Variants in ALAS1 observed in about 807,000 individuals in gnomAD.
ALAS1 encodes the protein 5-aminolevulinate synthase, non-specific, mitochondrial.
Under a neutral mutation model 59.6 loss-of-function variants are expected in ALAS1, and 29 were observed. The observed-to-expected ratio is 0.49, with a 90% CI of 0.36 to 0.66. The LOEUF (loss-of-function observed/expected upper bound fraction) is 0.66. Among genes scored for constraint, ALAS1 ranks in the 30% least tolerant of loss-of-function variants. The pLI, the probability that ALAS1 is intolerant of heterozygous loss-of-function variation, is 0.00. For synonymous variants in ALAS1, 299 were observed against 296.6 expected (o/e 1.01, Z -0.08); for missense variants, 690 against 807.5 (o/e 0.85, Z 1.76).
At chr3:52,207,066 T>C (rs1210624178) in intron 8 of ALAS1, among the ~76,000 whole-genome samples, 2 of 147,530 alleles carry the variant, frequency 1.4e-5, no homozygotes, top group East Asian at 2.0e-4. Flanking sequence ...TGCAGTGGCG[T>C]GATCTCGGCT....
intron 7 of ALAS1, 36 bp from the exon 8 acceptor site, chr3:52,206,536 T>C (rs1272337350): frequency 1.9e-6 from 3 of 1,594,660 alleles, no homozygotes; most frequent in East Asian, 2.2e-5. Context: ...TTGTCTTCGA[T>C]GCACATGGCA....
intron 3 of ALAS1, among the ~76,000 whole-genome samples, chr3:52,201,899 G>A (rs892749940): frequency 2.6e-5 from 4 of 152,176 alleles, no homozygotes; most frequent in East Asian, 1.9e-4. Flanking sequence ...CAAGGATTCC[G>A]GGTTGTCTAA....
At position 52,208,260 on chromosome 3, in the gene ALAS1, TGTA is replaced by T. The variant is rs1699335337; in HGVS notation, c.1330+14_1330+16del. On this transcript the variant is annotated intron_variant, in intron 9 of 11. Coordinates refer to ENST00000484952, the MANE Select transcript of ALAS1 (RefSeq NM_000688.6). ...TCTGGAACACTTGGTATGTATACATTGTATTACATACACTAAAATTCCATTATC... is the reference window on the plus strand; with the variant it reads ...TCTGGAACACTTGGTATGTATACATTTTACATACACTAAAATTCCATTATC... 6.2e-7 allele frequency: 1 copy of T among 1,613,198 alleles called. No individual in the cohort carries two copies.
chr3:52,214,301 TGGAA>T lies in ALAS1; in HGVS notation c.*122_*125del. 2.1e-6 allele frequency: 2 copies of T among 955,760 alleles called. No individual in the cohort carries two copies. The highest frequency in any genetic ancestry group is 2.7e-5 in the East Asian group (1 of 36,848). The allele number at this position is 955,760 out of a possible 1,614,324, so 59.2% of individuals were successfully genotyped here. A position where few individuals can be genotyped will look rare whatever the true frequency, so the allele number is the denominator to read the frequency against. On this transcript the variant is annotated 3_prime_UTR_variant, in exon 12 of 12. Transcript: ENST00000484952. ...TTAATCTATAGTAAAAACATAGTCCTGGAAATAAATTCTTGCTTAAATGGTGGTT... is the reference window on the plus strand; with the variant it reads ...TTAATCTATAGTAAAAACATAGTCCTATAAATTCTTGCTTAAATGGTGGTT...
intron 5 of ALAS1, among the ~76,000 whole-genome samples, 194 bp downstream of exon 5, chr3:52,204,206 C>A (rs1410326322): frequency 2.0e-5 from 3 of 152,156 alleles, no homozygotes; most frequent in Non-Finnish European, 4.4e-5. Flanking sequence ...CATAGCAAGA[C>A]ACTATCTCTA....
Position 52,199,256 on chromosome 3 carries a change from T to C in ALAS1, c.15T>C (p.Val5=), listed in dbSNP as rs753520796. MESV[V]RRCPFLSRVP... is the part of the protein sequence containing the mutation. Reference sequence around the variant, plus strand: ...ACTTCCTGAACATGGAGAGTGTTGTTCGCCGCTGCCCATTCTTATCCCGAG... The same window carrying C: ...ACTTCCTGAACATGGAGAGTGTTGTCCGCCGCTGCCCATTCTTATCCCGAG... The change falls in exon 3 of 12, where the codon GTT becomes GTC. Residue 5 remains valine, a synonymous_variant. Coordinates refer to ENST00000484952, the MANE Select transcript of ALAS1 (RefSeq NM_000688.6). The C allele has an allele frequency of 1.6e-4, 260 of 1,614,086 alleles. No individual in the cohort carries two copies. Among genetic ancestry groups the C allele is most frequent in the Non-Finnish European group, 2.1e-4 (245 of 1,180,044 alleles).
intron 5 of ALAS1, among the ~76,000 whole-genome samples, chr3:52,204,342 T>C (rs556706273): frequency 1.3e-5 from 2 of 152,304 alleles, no homozygotes; most frequent in South Asian, 4.1e-4. Context: ...ATGATCACGC[T>C]ATTGCACTCC....
In ALAS1 at chr3:52,202,517, T is replaced by C; in HGVS notation, c.210T>C (p.Thr70=). 3 of 1,612,010 alleles carry C rather than the reference T, an allele frequency of 1.9e-6. No individual in the cohort carries two copies. Among genetic ancestry groups the C allele is most frequent in the Non-Finnish European group, 2.5e-6 (3 of 1,178,138 alleles). The change falls in exon 4 of 12, where the codon ACT becomes ACC. Residue 70 remains threonine (T), a synonymous_variant. Coordinates refer to ENST00000484952, the MANE Select transcript of ALAS1 (RefSeq NM_000688.6). ...CATTTCCTCCCTCAGAAGACAAAACTGCTAAGGCCAAGGTCCAACAGACTC... is the reference window on the plus strand; with the variant it reads ...CATTTCCTCCCTCAGAAGACAAAACCGCTAAGGCCAAGGTCCAACAGACTC... ...ETPPASEKDK[T]AKAKVQQTPD... is the part of the protein sequence containing the mutation.
At chr3:52,204,406 G>A (rs1030908831) in intron 5 of ALAS1, among the ~76,000 whole-genome samples, 8 of 152,212 alleles carry the variant, frequency 5.3e-5, no homozygotes, top group African/African-American at 1.9e-4. Context: ...AAAATGTATG[G>A]TGAGTTGAGG....
intron 3 of ALAS1, among the ~76,000 whole-genome samples, chr3:52,200,111 C>T (rs1442537359): frequency 2.0e-5 from 3 of 152,182 alleles, no homozygotes; most frequent in Non-Finnish European, 2.9e-5. Context: ...CCACCGTGCC[C>T]GGCCCCTTTG....
rs1483266997 is a variant in ALAS1 at position 52,206,634 on chromosome 3, C to T, written c.1048C>T (p.Arg350Ter). The change falls in exon 8 of 12, where the codon CGA (arginine) becomes TGA (stop). Residue 350 changes from arginine (R) to a stop codon, truncating the protein, a stop_gained. Transcript: ENST00000484952. LOFTEE classifies it high-confidence loss of function. ...ASMIQGIRNSRVPKYIFRHND... is the reference protein window; with the variant it reads ...ASMIQGIRNS ...CATGATCCAAGGGATTCGAAACAGC[C>T]GAGTGCCAAAGTACATCTTCCGCCA... The T allele has an allele frequency of 1.1e-5, 18 of 1,614,050 alleles. No homozygotes were observed. The highest frequency in any genetic ancestry group is 2.2e-5 in the East Asian group (1 of 44,888).
At position 52,212,261 on chromosome 3, in the gene ALAS1, G is replaced by T; in HGVS notation, c.1603G>T (p.Ala535Ser). 4 of 1,613,188 alleles carry T rather than the reference G, an allele frequency of 2.5e-6. No homozygotes were observed. The highest frequency in any genetic ancestry group is 3.4e-6 in the Non-Finnish European group (4 of 1,179,532). Residue 535 changes from alanine to serine, a missense_variant, in exon 11 of 12, where the codon GCA (alanine) becomes TCA (serine). Ala to Ser is a moderately conservative substitution (Grantham distance 99). Coordinates refer to ENST00000484952, the MANE Select transcript of ALAS1 (RefSeq NM_000688.6). ...CPSHIIPVRV[A>S]DAAKNTEVCD... ...CTTCTGCTCTCATTGAACTTAGGTT[G>T]CAGATGCTGCTAAAAACACAGAAGT... is the stretch of plus-strand genomic sequence containing the variant.
intron 8 of ALAS1, among the ~76,000 whole-genome samples, chr3:52,206,992 G>A (rs892636217): frequency 1.3e-4 from 20 of 148,900 alleles, no homozygotes; most frequent in South Asian, 2.1e-4. Context: ...CTGCCACCAC[G>A]CCTGGCTAAT....
chr3:52,199,192 G>T lies in ALAS1; in HGVS notation c.-32-18G>T. ...ATTTGCCTGATTATTAACAACTGTT[G>T]ATGTCACTCTTCATCAGTCTTTCCA... On this transcript the variant is annotated intron_variant, in intron 2 of 11. Coordinates refer to ENST00000484952, the MANE Select transcript of ALAS1 (RefSeq NM_000688.6). The T allele has an allele frequency of 6.2e-7, 1 of 1,611,604 alleles. No individual in the cohort carries two copies. The highest frequency in any genetic ancestry group is 8.5e-7 in the Non-Finnish European group (1 of 1,177,946).
At chr3:52,203,480 G>A (rs1457768272) in intron 4 of ALAS1, among the ~76,000 whole-genome samples, 1 of 152,028 alleles carries the variant, frequency 6.6e-6, no homozygotes, top group Non-Finnish European at 1.5e-5. Flanking sequence ...GGCAGAGGTT[G>A]CAATGAGTCG....
At position 52,198,199 on chromosome 3, in the gene ALAS1, A is replaced by G; in HGVS notation, c.-266A>G. On this transcript the variant is annotated 5_prime_UTR_variant, in exon 1 of 12. Coordinates refer to ENST00000484952, the MANE Select transcript of ALAS1 (RefSeq NM_000688.6). ...CAAGGGCAACGAGCGTTTCGTTTGG[A>G]CTTCTCGACTTGAGTGCCCGCCTCC... The G allele has an allele frequency of 5.0e-6, 2 of 398,798 alleles. No homozygotes were observed. The highest frequency in any genetic ancestry group is 2.1e-5 in the African/African-American group (1 of 48,722). The allele number at this position is 398,798 out of a possible 1,614,324, so 24.7% of individuals were successfully genotyped here.
rs765596796 is a variant in ALAS1, at chr3:52,212,396, C to A, written c.1738C>A (p.Pro580Thr). 10 of 1,613,932 alleles carry A rather than the reference C, an allele frequency of 6.2e-6. No homozygotes were observed. The highest frequency in any genetic ancestry group is 1.7e-6 in the Non-Finnish European group (2 of 1,180,018). ...GATTGCCCCCACCCCTCACCACACA[C>A]CCCAGATGATGAACTACTTCCTTGG... is the stretch of plus-strand genomic sequence containing the variant. ...LRIAPTPHHT[P>T]QMMNYFLENL... Residue 580 changes from proline (P) to threonine (T), a missense_variant, in exon 11 of 12, where the codon CCC becomes ACC. Physicochemically the swap from Pro to Thr is conservative, Grantham distance 38. Coordinates refer to ENST00000484952, the MANE Select transcript of ALAS1 (RefSeq NM_000688.6).
intron 9 of ALAS1, among the ~76,000 whole-genome samples, chr3:52,210,780 A>G (rs945910514): frequency 4.7e-5 from 7 of 147,862 alleles, no homozygotes; most frequent in Admixed American, 4.7e-4. Flanking sequence ...CCCTGTCTCT[A>G]AAAAAAAAAG....
intron 8 of ALAS1, among the ~76,000 whole-genome samples, chr3:52,207,818 TTTATTG>T (rs1699325479): frequency 6.6e-6 from 1 of 152,208 alleles, no homozygotes. Context: ...TCATTCTTTT[TTTATTG>T]CTGTGTAGTA....
Sources: allele counts gnomAD v4.1 joint callset (sites outside exome capture counted in the v4.1 genomes callset), GRCh38; gene constraint gnomAD v4.1.1; transcripts MANE v1.5; gene names NCBI Gene and HGNC (gene_info 2026-07-23, HGNC 2026-07-21).